HDAC9: variants seen among roughly 807,000 people sequenced by gnomAD.
HDAC9 encodes histone deacetylase 9, also known as MEF-2 interacting transcription repressor (MITR) protein.
A neutral mutation model predicts 139.4 loss-of-function variants in HDAC9; 41 were observed. The observed-to-expected ratio is 0.29, with a 90% confidence interval of 0.23 to 0.38. The LOEUF (loss-of-function observed/expected upper bound fraction) is 0.38, where lower values mean the gene tolerates loss of function less well. HDAC9 is among the 10% of genes least tolerant of loss of function. The probability of loss-of-function intolerance (pLI) is 1.00; values close to 1 mark genes in which losing one functional copy is unlikely to be tolerated. For synonymous variants in HDAC9, 517 were observed against 476.2 expected, an observed-to-expected ratio of 1.09 and a Z score of -1.12; for missense variants, 1,147 against 1,297.0, an observed-to-expected ratio of 0.88 and a Z score of 1.78.
intron 11 of HDAC9, among the ~76,000 whole-genome samples, chr7:18,653,699 A>T (rs1487952248): frequency 6.6e-6 from 1 of 152,142 alleles, no homozygotes; most frequent in Non-Finnish European, 1.5e-5. Flanking sequence ...AAACAGGTAG[A>T]TGTTATGTTT....
intron 1 of HDAC9, among the ~76,000 whole-genome samples, chr7:18,409,095 TG>T (rs1788284303): frequency 6.6e-6 from 1 of 152,184 alleles, no homozygotes; most frequent in African/African-American, 2.4e-5. Context: ...GGAATGTAGT[TG>T]CCTTGCAAAA....
chr7:18,568,343 A>G (rs10046476), intron 2 of HDAC9, among the ~76,000 whole-genome samples: 4,389 of 152,268 alleles, frequency 0.029, 145 homozygotes, highest in African/African-American at 0.085. Context: ...AATATTGTAT[A>G]TGTGACAATG....
At chr7:18,370,920 C>T (rs1221635571) in intron 1 of HDAC9, among the ~76,000 whole-genome samples, 1 of 152,134 alleles carries the variant, frequency 6.6e-6, no homozygotes, top group Admixed American at 6.6e-5. Context: ...CTCCTAAGCA[C>T]TGAAACTGTC....
At chr7:18,379,792 G>A (rs1431577001) in intron 1 of HDAC9, among the ~76,000 whole-genome samples, 1 of 152,070 alleles carries the variant, frequency 6.6e-6, no homozygotes. Flanking sequence ...ATAATTATAA[G>A]GTCTCTATTT....
chr7:18,270,590 G>A (rs890139854), intron 2 of HDAC9, among the ~76,000 whole-genome samples: 1 of 151,888 alleles, frequency 6.6e-6, no homozygotes, highest in African/African-American at 2.4e-5. Flanking sequence ...TAAAAAGTTA[G>A]GCTATAAACT....
intron 12 of HDAC9, among the ~76,000 whole-genome samples, chr7:18,708,874 G>A (rs1784132334): frequency 6.6e-6 from 1 of 151,930 alleles, no homozygotes; most frequent in Admixed American, 6.6e-5. Flanking sequence ...AAAATCCTCT[G>A]TGTAGATTAA....
At chr7:18,271,882 A>G (rs1248510327) in intron 2 of HDAC9, among the ~76,000 whole-genome samples, 1 of 152,222 alleles carries the variant, frequency 6.6e-6, no homozygotes, top group Non-Finnish European at 1.5e-5. Flanking sequence ...TGCCCAGAAC[A>G]TTGATAGCAT....
intron 1 of HDAC9, among the ~76,000 whole-genome samples, chr7:18,131,544 G>C (rs1013839927): frequency 2.0e-5 from 3 of 152,144 alleles, no homozygotes; most frequent in African/African-American, 7.2e-5. Context: ...GATGCAGTAG[G>C]GGGTAGAGTG....
At chr7:18,264,141 C>A (rs1795854522) in intron 2 of HDAC9, among the ~76,000 whole-genome samples, 1 of 152,120 alleles carries the variant, frequency 6.6e-6, no homozygotes, top group Admixed American at 6.5e-5. Context: ...GACAGAACAT[C>A]CACAAGGAAA....
chr7:18,930,158 T>C (rs951098259), intron 22 of HDAC9, among the ~76,000 whole-genome samples: 6 of 152,082 alleles, frequency 3.9e-5, no homozygotes, highest in African/African-American at 1.2e-4. Flanking sequence ...CCTATGTGGT[T>C]GTTGAGAACC....
chr7:18,871,332 T>C (rs1024389845), intron 21 of HDAC9, among the ~76,000 whole-genome samples: 2 of 152,174 alleles, frequency 1.3e-5, no homozygotes, highest in African/African-American at 4.8e-5. Context: ...TTTTCCCTGA[T>C]GCAGTGCTGG....
At chr7:18,542,939 A>G (rs1394411407) in intron 2 of HDAC9, among the ~76,000 whole-genome samples, 2 of 152,224 alleles carry the variant, frequency 1.3e-5, no homozygotes, top group African/African-American at 2.4e-5. Context: ...GAATGAAGAA[A>G]TAGCTCATGG....
intron 2 of HDAC9, among the ~76,000 whole-genome samples, chr7:18,506,606 A>G (rs1799840791): frequency 6.6e-6 from 1 of 152,142 alleles, no homozygotes; most frequent in Non-Finnish European, 1.5e-5. Context: ...GGGTTTAAGA[A>G]TTGGTTTATG....
chr7:18,928,919 A>G (rs1804477010), intron 22 of HDAC9, among the ~76,000 whole-genome samples: 1 of 151,918 alleles, frequency 6.6e-6, no homozygotes, highest in South Asian at 2.1e-4. Flanking sequence ...ATTATTTTCT[A>G]TCATCTTCCA....
intron 2 of HDAC9, among the ~76,000 whole-genome samples, chr7:18,193,551 G>A (rs543826700): frequency 1.3e-5 from 2 of 152,266 alleles, no homozygotes; most frequent in South Asian, 4.1e-4. Context: ...TATGCTACTT[G>A]GAAATCTGTT....
At chr7:18,494,428 T>A (rs1796617894), upstream of HDAC9, among the ~76,000 whole-genome samples, 1 of 152,054 alleles carries the variant, frequency 6.6e-6, no homozygotes, top group African/African-American at 2.4e-5. Flanking sequence ...AATCTGCTTT[T>A]TCCTCTCTTT....
At chr7:18,852,605 A>G (rs548712604) in intron 21 of HDAC9, among the ~76,000 whole-genome samples, 1 of 152,206 alleles carries the variant, frequency 6.6e-6, no homozygotes, top group Non-Finnish European at 1.5e-5. Flanking sequence ...GCCTTGGTAC[A>G]TATAGTCCTA....
At chr7:18,754,983 G>A (rs1219034361) in intron 14 of HDAC9, among the ~76,000 whole-genome samples, 1 of 152,088 alleles carries the variant, frequency 6.6e-6, no homozygotes, top group African/African-American at 2.4e-5. Context: ...TTGTTTTATA[G>A]AGTAGTCTAA....
chr7:18,420,091 T>C (rs1585768460), intron 1 of HDAC9, among the ~76,000 whole-genome samples: 1 of 152,188 alleles, frequency 6.6e-6, no homozygotes, highest in African/African-American at 2.4e-5. Flanking sequence ...ACAAAACTCA[T>C]AAACCACTGA....
Sources: allele counts gnomAD v4.1 joint callset (sites outside exome capture counted in the v4.1 genomes callset), GRCh38; gene constraint gnomAD v4.1.1; transcripts MANE v1.5; gene names NCBI Gene and HGNC (gene_info 2026-07-23, HGNC 2026-07-21).